The following GRHL1 variants were observed in gnomAD, a reference collection of about 807,000 sequenced individuals.
The protein encoded by GRHL1 is grainyhead like transcription factor 1, also known as grainyhead-like protein 1 homolog.
In GRHL1, 38 loss-of-function variants were observed where a neutral mutation model predicts 75.7. The observed-to-expected ratio is 0.50, with a 90% confidence interval of 0.39 to 0.66. The LOEUF is 0.66. GRHL1 is among the 30% of genes least tolerant of loss of function. The pLI is 0.00. For synonymous variants in GRHL1, 266 were observed against 279.4 expected (o/e 0.95, Z 0.48); for missense variants, 589 against 767.5 (o/e 0.77, Z 2.75).
At chr2:9,964,596 G>A (rs151278385) in intron 7 of GRHL1, 77 of 381,826 alleles carry the variant, frequency 2.0e-4, no homozygotes, top group Admixed American at 2.9e-4. Context: ...CCATGTAGCT[G>A]GCTAACCTGA....
intron 8 of GRHL1, among the ~76,000 whole-genome samples, chr2:9,976,245 A>G (rs947332270): frequency 6.6e-6 from 1 of 152,186 alleles, no homozygotes; most frequent in Non-Finnish European, 1.5e-5. Context: ...GGTGACACGA[A>G]GGAAGGGAAC....
intron 14 of GRHL1, 100 bp from the exon 15 acceptor site, chr2:9,998,853 CATATATATACGT>C (rs1459742760): frequency 1.4e-5 from 2 of 138,890 alleles, no homozygotes; most frequent in Admixed American, 1.5e-4. Flanking sequence ...TATATGTACA[CATATATATACGT>C]ATATATATGT....
At chr2:9,977,993 A>G (rs1338744753) in intron 8 of GRHL1, among the ~76,000 whole-genome samples, 6 of 152,202 alleles carry the variant, frequency 3.9e-5, no homozygotes, top group East Asian at 3.8e-4. Context: ...GGCGAGAGAG[A>G]ATGAGAGCCA....
rs773273517 is a variant in GRHL1 at position 9,961,242 on chromosome 2, A to T, written c.475A>T (p.Thr159Ser). The T allele has an allele frequency of 1.9e-6, 3 of 1,614,164 alleles. No homozygotes were observed. Among genetic ancestry groups the T allele is most frequent in the Non-Finnish European group, 2.5e-6 (3 of 1,180,024 alleles). ...AACGATGCCTACCCACTCCATCAAG[A>T]CAGAAACCCAGCCACATGGCTTCGC... ...IATMPTHSIK[T>S]ETQPHGFAVG... The change falls in exon 4 of 16, where the codon ACA becomes TCA. Residue 159 changes from threonine (T) to serine (S), a missense_variant. Thr to Ser is a moderately conservative substitution (Grantham distance 58, BLOSUM62 1). Coordinates refer to ENST00000324907, the MANE Select transcript of GRHL1 (RefSeq NM_198182.3).
chr2:9,959,593 G>A (rs1572336210), intron 3 of GRHL1: 1 of 152,120 alleles, frequency 6.6e-6, no homozygotes, highest in African/African-American at 2.4e-5. Flanking sequence ...CTTTGGAAGA[G>A]GACTTGTGGC....
At chr2:9,959,397 A>G (rs1218787886) in intron 3 of GRHL1, 1 of 152,484 alleles carries the variant, frequency 6.6e-6, no homozygotes, top group Non-Finnish European at 1.5e-5. Context: ...AATGAAACAT[A>G]TTTAAAGGAA....
chr2:9,983,249 G>A (rs969198977), intron 8 of GRHL1, among the ~76,000 whole-genome samples: 3 of 151,896 alleles, frequency 2.0e-5, no homozygotes, highest in Non-Finnish European at 4.4e-5. Flanking sequence ...CAGTGCTTAC[G>A]TTTCACAGCT....
Position 9,998,792 on chromosome 2 carries a change from G to A in GRHL1, c.1678-173G>A, listed in dbSNP as rs555900274. The stretch of plus-strand genomic sequence containing the variant: ...TACACACATATATACGTATATATAT[G>A]TACACACATATATATACGTATATAT... On this transcript the variant is annotated intron_variant, in intron 14 of 15. Transcript: ENST00000324907. Among the ~76,000 whole-genome samples, 163 of 37,608 alleles carry A rather than the reference G, an allele frequency of 4.3e-3. 58 individuals carry two copies. Among genetic ancestry groups the A allele is most frequent in the African/African-American group, 0.022 (137 of 6,278 alleles). 24.7% of individuals were successfully genotyped at this position (37,608 alleles called of 152,430 possible).
intron 14 of GRHL1, among the ~76,000 whole-genome samples, 166 bp from the exon 15 acceptor site, chr2:9,998,799 C>CATATATATACGTATATATATGTACACAT (rs1558321386): frequency 2.0e-4 from 6 of 29,322 alleles, no homozygotes; most frequent in Admixed American, 4.9e-4. Flanking sequence ...TATGTACACA[C>CATATATATACGTATATATATGTACACAT]ATATATATAC....
chr2:9,994,468 C>T (rs1228960676), intron 12 of GRHL1, among the ~76,000 whole-genome samples: 5 of 152,106 alleles, frequency 3.3e-5, no homozygotes, highest in African/African-American at 1.2e-4. Flanking sequence ...AAGTTCATTC[C>T]TCAGCATCCC....
intron 8 of GRHL1, among the ~76,000 whole-genome samples, chr2:9,978,174 A>G (rs1298643565): frequency 6.6e-6 from 1 of 152,208 alleles, no homozygotes; most frequent in Non-Finnish European, 1.5e-5. Flanking sequence ...TTGGGTGGGG[A>G]CACAGCCAAA....
In GRHL1 at chr2:9,987,919, C is replaced by T. The variant is rs1354391014; in HGVS notation, c.1269+1637C>T. Among the ~76,000 whole-genome samples the T allele has an allele frequency of 1.3e-5, 2 of 152,080 alleles. No individual in the cohort carries two copies. Among genetic ancestry groups the T allele is most frequent in the African/African-American group, 4.8e-5 (2 of 41,388 alleles). ...AGTTCTTTTCATCCTATTAAGGGAGCTTGTCTTTTATTGAGATTTTTAGAG... is the reference window on the plus strand; with the variant it reads ...AGTTCTTTTCATCCTATTAAGGGAGTTTGTCTTTTATTGAGATTTTTAGAG... On this transcript the variant is annotated intron_variant, in intron 9 of 15. Transcript: ENST00000324907. This position sits in a 1 kb window ranked among gnomAD's most constrained non-coding sequence, Gnocchi z 4.2.
chr2:9,978,820 G>A (rs1015848027), intron 8 of GRHL1, among the ~76,000 whole-genome samples: 3 of 151,972 alleles, frequency 2.0e-5, no homozygotes, highest in South Asian at 2.1e-4. Context: ...GTGACGCCCC[G>A]TCTCTACTAA....
intron 8 of GRHL1, among the ~76,000 whole-genome samples, chr2:9,980,432 AG>A (rs1668149941): frequency 6.6e-6 from 1 of 151,930 alleles, no homozygotes; most frequent in African/African-American, 2.4e-5. Flanking sequence ...AAAAAAAAAA[AG>A]AATTAAATAT....
intron 8 of GRHL1, among the ~76,000 whole-genome samples, chr2:9,984,819 T>C (rs930525545): frequency 6.6e-6 from 1 of 151,894 alleles, no homozygotes; most frequent in Non-Finnish European, 1.5e-5. Context: ...CCCAGCACTT[T>C]GGGAGGCCAA....
At position 9,964,308 on chromosome 2, in the gene GRHL1, C is replaced by A; in HGVS notation, c.977C>A (p.Ser326Tyr). The change falls in exon 7 of 16, where the codon TCC becomes TAC. Residue 326 changes from serine to tyrosine, a missense_variant. Ser to Tyr is a moderately radical substitution (Grantham distance 144). Coordinates refer to ENST00000324907, the MANE Select transcript of GRHL1 (RefSeq NM_198182.3). ...DQLRHWKYWH[S>Y]RQHTAKQRCI... is the part of the protein sequence containing the mutation. ...TTAAGGCATTGGAAGTACTGGCACT[C>A]CCGGCAGCACACCGCTAAACAAAGA... 6.2e-7 allele frequency: 1 copy of A among 1,610,420 alleles called. No individual in the cohort carries two copies. The highest frequency in any genetic ancestry group is 8.5e-7 in the Non-Finnish European group (1 of 1,176,690).
At chr2:9,956,486 A>G (rs1177074204) in intron 2 of GRHL1, among the ~76,000 whole-genome samples, 2 of 151,944 alleles carry the variant, frequency 1.3e-5, no homozygotes, top group African/African-American at 4.8e-5. Flanking sequence ...ATGCCATATC[A>G]CTACACTCCA....
intron 6 of GRHL1, 62 bp downstream of exon 6, chr2:9,964,104 C>A: frequency 6.7e-7 from 1 of 1,501,984 alleles, no homozygotes; most frequent in Non-Finnish European, 9.2e-7. Flanking sequence ...ATTTCCAGGT[C>A]TGAAGCAGCT....
chr2:9,977,505 A>G (rs184654662), intron 8 of GRHL1, among the ~76,000 whole-genome samples: 115 of 152,304 alleles, frequency 7.6e-4, no homozygotes, highest in Non-Finnish European at 1.1e-3. Context: ...TATTTTTGTT[A>G]GAGACAGGGT....
Sources: allele counts gnomAD v4.1 joint callset (sites outside exome capture counted in the v4.1 genomes callset), GRCh38; gene constraint gnomAD v4.1.1; non-coding constraint Gnocchi (gnomAD v3.1); transcripts MANE v1.5; gene names NCBI Gene and HGNC (gene_info 2026-07-23, HGNC 2026-07-21).